GLIS1: variants seen among roughly 807,000 people sequenced by gnomAD.
GLIS1 encodes the protein GLIS family zinc finger 1, also known as zinc finger protein GLIS1.
Under a neutral mutation model 63.8 loss-of-function variants are expected in GLIS1, and 24 were observed. That is an observed-to-expected ratio of 0.38 (90% CI 0.27 to 0.53). GLIS1 has a LOEUF of 0.53. Among genes scored for constraint, GLIS1 ranks in the 20% least tolerant of loss-of-function variants. The probability of loss-of-function intolerance (pLI) is 0.85; values close to 1 mark genes in which losing one functional copy is unlikely to be tolerated. For synonymous variants in GLIS1, 450 were observed against 482.5 expected, an observed-to-expected ratio of 0.93 and a Z score of 0.88; for missense variants, 1,036 against 1,074.1, an observed-to-expected ratio of 0.96 and a Z score of 0.50.
rs527014 is a variant in GLIS1 at position 53,511,619 on chromosome 1, C to T, written c.1884-1592G>A. On this transcript the variant is annotated intron_variant, in intron 8 of 10. Transcript: ENST00000628545. The surrounding 1 kb of genome is among the most constrained non-coding windows in gnomAD (Gnocchi z 4.2). ...TTAAGTTCATGAGACGAATCCTCAT[C>T]ACACCTCCAGGAATAAATTATCATT... Among the ~76,000 whole-genome samples, 12,579 of 152,264 alleles carry T rather than the reference C, an allele frequency of 0.083. 1,106 individuals are homozygous for T. The highest frequency in any genetic ancestry group is 0.47 in the East Asian group (2,441 of 5,168).
At chr1:53,587,726 C>T (rs1320462469) in intron 4 of GLIS1, among the ~76,000 whole-genome samples, 1 of 152,182 alleles carries the variant, frequency 6.6e-6, no homozygotes, top group Non-Finnish European at 1.5e-5. Context: ...CCATTTACTT[C>T]CCCACTCGAC....
chr1:53,549,210 C>T (rs1049940094), intron 4 of GLIS1, among the ~76,000 whole-genome samples: 5 of 152,216 alleles, frequency 3.3e-5, no homozygotes, highest in Non-Finnish European at 5.9e-5. Flanking sequence ...GTTGTTTCCA[C>T]CTTTGGCTAT....
In GLIS1 at chr1:53,685,380, C is replaced by T. The variant is rs539224652; in HGVS notation, c.259+52426G>A. ...GCGCCGTGGTGTCTGCGCTGCCGGG[C>T]GCGATCTGTTATTATCCCCCGTCAG... On this transcript the variant is annotated intron_variant, in intron 2 of 10. Coordinates refer to ENST00000628545, the MANE Select transcript of GLIS1 (RefSeq NM_001367484.1). Among the ~76,000 whole-genome samples the T allele has an allele frequency of 2.3e-3, 344 of 152,308 alleles. 1 individual carries two copies. Among genetic ancestry groups the T allele is most frequent in the African/African-American group, 6.6e-3 (276 of 41,570 alleles).
At chr1:53,510,428 G>A (rs912282281) in intron 8 of GLIS1, among the ~76,000 whole-genome samples, 2 of 152,196 alleles carry the variant, frequency 1.3e-5, no homozygotes, top group African/African-American at 2.4e-5. Context: ...CTGGGTGCCC[G>A]GCTCTCTGCC....
At position 53,526,952 on chromosome 1, in the gene GLIS1, C is replaced by T. The variant is rs565777406; in HGVS notation, c.1483-2065G>A. On this transcript the variant is annotated intron_variant, in intron 5 of 10. Coordinates refer to ENST00000628545, the MANE Select transcript of GLIS1 (RefSeq NM_001367484.1). The surrounding 1 kb of genome is among the most constrained non-coding windows in gnomAD (Gnocchi z 4.4). The stretch of plus-strand genomic sequence containing the variant: ...GGCCTCCCTCTGTCTGTAATGAGGA[C>T]GCTCCGGGTGAGTCTGCCGTGCGGA... Among the ~76,000 whole-genome samples the T allele has an allele frequency of 9.8e-5, 15 of 152,362 alleles. No homozygotes were observed. The highest frequency in any genetic ancestry group is 1.7e-4 in the African/African-American group (7 of 41,584).
intron 4 of GLIS1, among the ~76,000 whole-genome samples, chr1:53,564,395 A>G (rs989576091): frequency 1.3e-5 from 2 of 152,194 alleles, no homozygotes; most frequent in Non-Finnish European, 2.9e-5. Context: ...CAACAACAAA[A>G]CTAAGCCAAA....
chr1:53,585,495 G>C lies in GLIS1; in HGVS notation c.1320+8613C>G, dbSNP rs72637999. On this transcript the variant is annotated intron_variant, in intron 4 of 10. Coordinates refer to ENST00000628545, the MANE Select transcript of GLIS1 (RefSeq NM_001367484.1). ...AATTTAAGTAAGAAGGGAAAGGGGT[G>C]GGGGGTCAGGGATGGAGATAAGTAG... Among the ~76,000 whole-genome samples the C allele has an allele frequency of 3.9e-3, 587 of 151,202 alleles. 15 individuals carry two copies. The East Asian group carries it at 0.069, about 18-fold the overall frequency.
At chr1:53,706,796 G>T (rs1646583186) in intron 2 of GLIS1, among the ~76,000 whole-genome samples, 1 of 152,208 alleles carries the variant, frequency 6.6e-6, no homozygotes, top group Admixed American at 6.5e-5. Context: ...CAAAACACAT[G>T]TGGCCTCTGA....
intron 2 of GLIS1, among the ~76,000 whole-genome samples, chr1:53,683,180 T>A (rs937404383): frequency 6.6e-6 from 1 of 152,138 alleles, no homozygotes; most frequent in Non-Finnish European, 1.5e-5. Flanking sequence ...GCAGACACAT[T>A]CCTGGCTCCC....
At chr1:53,690,647 C>G (rs1646393455) in intron 2 of GLIS1, among the ~76,000 whole-genome samples, 1 of 152,200 alleles carries the variant, frequency 6.6e-6, no homozygotes, top group African/African-American at 2.4e-5. Flanking sequence ...GAGAGGCAGG[C>G]AGGGCAGCGA....
chr1:53,540,645 A>G (rs1337034039), intron 4 of GLIS1, among the ~76,000 whole-genome samples: 1 of 152,072 alleles, frequency 6.6e-6, no homozygotes, highest in African/African-American at 2.4e-5. Flanking sequence ...TGGGTCTGAG[A>G]TCCAAGTCCA....
In GLIS1 at chr1:53,565,111, T is replaced by C. The variant is rs146185165; in HGVS notation, c.1320+28997A>G. Among the ~76,000 whole-genome samples the C allele has an allele frequency of 4.5e-3, 681 of 152,070 alleles. 7 individuals are homozygous for C. The highest frequency in any genetic ancestry group is 0.015 in the African/African-American group (641 of 41,518). On this transcript the variant is annotated intron_variant, in intron 4 of 10. Coordinates refer to ENST00000628545, the MANE Select transcript of GLIS1 (RefSeq NM_001367484.1). ...CATAAAGGCAAAAAATGTTCCTATGTTTGGAAAATTAAAGGCCCACTGCAT... is the reference window on the plus strand; with the variant it reads ...CATAAAGGCAAAAAATGTTCCTATGCTTGGAAAATTAAAGGCCCACTGCAT...
At chr1:53,630,658 G>A (rs1014003440) in intron 2 of GLIS1, among the ~76,000 whole-genome samples, 3 of 152,106 alleles carry the variant, frequency 2.0e-5, no homozygotes, top group East Asian at 1.9e-4. Flanking sequence ...ACCATGGCTC[G>A]CTAATTTTTT....
intron 4 of GLIS1, among the ~76,000 whole-genome samples, chr1:53,567,737 G>T (rs939887031): frequency 1.3e-5 from 2 of 152,230 alleles, no homozygotes; most frequent in Admixed American, 1.3e-4. Context: ...AGGGGCCAAG[G>T]TACAAGTCAG....
At chr1:53,668,322 G>C (rs1043485756) in intron 2 of GLIS1, among the ~76,000 whole-genome samples, 4 of 152,152 alleles carry the variant, frequency 2.6e-5, no homozygotes, top group Non-Finnish European at 5.9e-5. Context: ...GGTCCCATGA[G>C]ATTACAATCC....
At chr1:53,606,204 A>G (rs989896719) in intron 2 of GLIS1, among the ~76,000 whole-genome samples, 15 of 152,186 alleles carry the variant, frequency 9.9e-5, no homozygotes, top group African/African-American at 3.6e-4. Flanking sequence ...TGCTGTCTGG[A>G]CAGGCAGAGA....
chr1:53,620,014 G>T (rs1645525237), intron 2 of GLIS1, among the ~76,000 whole-genome samples: 1 of 152,180 alleles, frequency 6.6e-6, no homozygotes, highest in African/African-American at 2.4e-5. Context: ...TGGGAGGTAC[G>T]GGACATTTAC....
chr1:53,593,158 T>C (rs3013757), intron 4 of GLIS1, among the ~76,000 whole-genome samples: 138,100 of 152,326 alleles, frequency 0.91, 63,775 homozygotes, highest in Non-Finnish European at 0.99. Context: ...CATGCTGCTG[T>C]CCTGATGGCT....
chr1:53,513,324 G>A lies in GLIS1; in HGVS notation c.1883+1301C>T, dbSNP rs375625910. 1.1e-4 allele frequency among the ~76,000 whole-genome samples: 16 copies of A among 152,066 alleles called. No individual in the cohort carries two copies. In the East Asian group the frequency reaches 2.5e-3, roughly 24 times the overall value. ...CCCCACCCCTGCAATGCCGCCCTGC[G>A]TCCTCATCCCCAAACCTGACCACAT... On this transcript the variant is annotated intron_variant, in intron 8 of 10. Transcript: ENST00000628545.
Sources: gnomAD v4.1 joint callset for allele counts (sites outside exome capture counted in the v4.1 genomes callset) on GRCh38, gnomAD v4.1.1 for gene constraint, Gnocchi (gnomAD v3.1) non-coding constraint, MANE v1.5 for transcripts, NCBI Gene and HGNC (gene_info 2026-07-23, HGNC 2026-07-21) for gene names.